The following ARHGAP17 variants were observed in gnomAD, a reference collection of about 807,000 sequenced individuals.
ARHGAP17 encodes the protein Rho GTPase activating protein 17, also known as rho GTPase-activating protein 17.
A neutral mutation model predicts 99.5 loss-of-function variants in ARHGAP17; 57 were observed. That is an observed-to-expected ratio of 0.57 (90% CI 0.46 to 0.71). The LOEUF (loss-of-function observed/expected upper bound fraction) is 0.71. Among genes scored for constraint, ARHGAP17 ranks in the 30% least tolerant of loss-of-function variants. ARHGAP17 has a pLI of 0.00. For missense variants in ARHGAP17, 1,000 were observed against 1,122.4 expected (o/e 0.89, Z 1.56); for synonymous variants, 417 against 429.6 (o/e 0.97, Z 0.36).
intron 17 of ARHGAP17, among the ~76,000 whole-genome samples, chr16:24,937,381 C>T (rs1478683491): frequency 6.6e-6 from 1 of 151,702 alleles, no homozygotes; most frequent in Non-Finnish European, 1.5e-5. Flanking sequence ...AACATTGCAC[C>T]ACTGCACTCC....
chr16:24,930,724 T>C (rs1597361839), intron 19 of ARHGAP17, 60 bp downstream of exon 19: 8 of 1,613,784 alleles, frequency 5.0e-6, no homozygotes, highest in Non-Finnish European at 6.8e-6. Context: ...AAATAAAATG[T>C]AGTAGTACAA....
At chr16:24,949,664 T>C (rs1387848408) in intron 12 of ARHGAP17, among the ~76,000 whole-genome samples, 180 bp from the exon 13 acceptor site, 1 of 152,224 alleles carries the variant, frequency 6.6e-6, no homozygotes, top group Non-Finnish European at 1.5e-5. Context: ...TCTGCGCAGT[T>C]GGTTAACCTT....
rs1022984043 is a variant in ARHGAP17, at chr16:24,992,956, C to A, written c.54-13951G>T. On this transcript the variant is annotated intron_variant, in intron 1 of 19. Transcript: ENST00000289968. Reference sequence around the variant, plus strand: ...CTGAGACTACAGGCATACACCACCACACTCATCTAATTTTTGTATTTTTTT... The same window carrying A: ...CTGAGACTACAGGCATACACCACCAAACTCATCTAATTTTTGTATTTTTTT... Among the ~76,000 whole-genome samples the A allele has an allele frequency of 4.6e-5, 7 of 152,168 alleles. No individual in the cohort carries two copies. In the East Asian group the frequency reaches 1.4e-3, roughly 29 times the overall value.
intron 6 of ARHGAP17, among the ~76,000 whole-genome samples, chr16:24,966,935 T>C (rs2052206507): frequency 6.6e-6 from 1 of 152,220 alleles, no homozygotes; most frequent in African/African-American, 2.4e-5. Context: ...AATGTTACAC[T>C]AACCTCTACC....
At chr16:24,969,905 A>G (rs2052309523) in intron 4 of ARHGAP17, among the ~76,000 whole-genome samples, 1 of 152,252 alleles carries the variant, frequency 6.6e-6, no homozygotes, top group African/African-American at 2.4e-5. Flanking sequence ...GCTGGGAAGC[A>G]GGGCCCATGT....
intron 1 of ARHGAP17, among the ~76,000 whole-genome samples, chr16:25,008,144 C>A (rs752523762): frequency 1.3e-5 from 2 of 152,168 alleles, no homozygotes; most frequent in Non-Finnish European, 2.9e-5. Flanking sequence ...AAAAGTAAGA[C>A]AAGTCCACAA....
intron 14 of ARHGAP17, 119 bp from the exon 15 acceptor site, chr16:24,943,981 C>G (rs1162762937): frequency 1.0e-6 from 1 of 953,698 alleles, no homozygotes; most frequent in African/African-American, 1.6e-5. Context: ...ATGCAAAAAT[C>G]AAAATCACTG....
intron 1 of ARHGAP17, among the ~76,000 whole-genome samples, chr16:24,993,939 C>T (rs2053123031): frequency 6.6e-6 from 1 of 152,200 alleles, no homozygotes; most frequent in African/African-American, 2.4e-5. Flanking sequence ...TTGAAACCTT[C>T]CAAACTGGGC....
chr16:24,972,799 C>T (rs1294821351), intron 3 of ARHGAP17, among the ~76,000 whole-genome samples: 2 of 151,406 alleles, frequency 1.3e-5, no homozygotes, highest in Admixed American at 1.3e-4. Context: ...AAAGCCACAA[C>T]AATCTTGTTT....
Position 24,968,366 on chromosome 16 carries a change from T to C in ARHGAP17, c.446A>G (p.Asp149Gly). 6.2e-7 allele frequency: 1 copy of C among 1,614,248 alleles called. No individual in the cohort carries two copies. The highest frequency in any genetic ancestry group is 8.5e-7 in the Non-Finnish European group (1 of 1,180,036). Residue 149 changes from aspartate to glycine, a missense_variant, in exon 6 of 20, where the codon GAT becomes GGT. Physicochemically the swap from Asp to Gly is moderately conservative, Grantham distance 94. Transcript: ENST00000289968. ...AAGCTGTTACCTGGCTCTGACTGAA[T>C]CCCAGTCTAACACCAATCTTGCAAG... ...KQLARLVLDWDSVRARWNQAH... is the reference protein window; with the variant it reads ...KQLARLVLDWGSVRARWNQAH...
intron 6 of ARHGAP17, among the ~76,000 whole-genome samples, chr16:24,964,947 A>G (rs1400511064): frequency 6.6e-6 from 1 of 152,104 alleles, no homozygotes; most frequent in Admixed American, 6.5e-5. Context: ...ATGTCTACAA[A>G]CAACAATAAC....
chr16:24,970,533 C>T lies in ARHGAP17; in HGVS notation c.246G>A (p.Ser82=), dbSNP rs747324700. The T allele has an allele frequency of 8.7e-6, 14 of 1,614,128 alleles. No individual in the cohort carries two copies. The highest frequency in any genetic ancestry group is 1.1e-5 in the Non-Finnish European group (13 of 1,180,010). ...TALAQNMQEA[S]TQLEDSLLGK... is the part of the protein sequence containing the mutation. ...CCAGGAGAGAGTCTTCCAGCTGAGT[C>T]GATGCTTCTTGCATATTTTGAGCAA... The change falls in exon 4 of 20, where the codon TCG becomes TCA. Residue 82 remains serine, a synonymous_variant. Coordinates refer to ENST00000289968, the MANE Select transcript of ARHGAP17 (RefSeq NM_001006634.3).
At chr16:24,937,169 C>T (rs1158647395) in intron 17 of ARHGAP17, among the ~76,000 whole-genome samples, 2 of 151,062 alleles carry the variant, frequency 1.3e-5, no homozygotes, top group African/African-American at 2.4e-5. Context: ...CGCCTGTAAT[C>T]CCAGCACTTT....
chr16:24,938,037 T>G (rs1438991610), intron 17 of ARHGAP17, among the ~76,000 whole-genome samples: 1 of 152,160 alleles, frequency 6.6e-6, no homozygotes, highest in Non-Finnish European at 1.5e-5. Context: ...TGGATCAGTG[T>G]GGAGAACTGA....
At chr16:24,984,827 G>A (rs568655020) in intron 1 of ARHGAP17, among the ~76,000 whole-genome samples, 1 of 151,814 alleles carries the variant, frequency 6.6e-6, no homozygotes, top group African/African-American at 2.4e-5. Context: ...GACTAAAATT[G>A]AAATGTGATA....
chr16:25,014,699 T>C (rs2141565971), intron 1 of ARHGAP17, among the ~76,000 whole-genome samples: 1 of 152,340 alleles, frequency 6.6e-6, no homozygotes, highest in Admixed American at 6.5e-5. Context: ...CTGGCTTTCA[T>C]GTCCCTCTAG....
intron 12 of ARHGAP17, among the ~76,000 whole-genome samples, chr16:24,950,200 G>GATGTGTTAC (rs1244823115): frequency 6.6e-6 from 1 of 152,116 alleles, no homozygotes; most frequent in Non-Finnish European, 1.5e-5. Flanking sequence ...GAGGCCAGTC[G>GATGTGTTAC]ATGTGTTACT....
At chr16:24,943,550 A>G (rs1332797204) in intron 15 of ARHGAP17, among the ~76,000 whole-genome samples, 3 of 152,244 alleles carry the variant, frequency 2.0e-5, no homozygotes, top group Non-Finnish European at 4.4e-5. Context: ...TTCAACATAC[A>G]CTGACTGGCT....
At chr16:24,920,394 C>A in intron 19 of ARHGAP17, 134 bp from the exon 20 acceptor site, 3 of 1,085,372 alleles carry the variant, frequency 2.8e-6, no homozygotes, top group Non-Finnish European at 4.0e-6. Context: ...TTGCGAGAGG[C>A]CTCATCAGCT....
Sources: allele counts gnomAD v4.1 joint callset (sites outside exome capture counted in the v4.1 genomes callset), GRCh38; gene constraint gnomAD v4.1.1; transcripts MANE v1.5; gene names NCBI Gene and HGNC (gene_info 2026-07-23, HGNC 2026-07-21).